The following CTSO variants were observed in gnomAD, a reference collection of about 807,000 sequenced individuals.
The protein encoded by CTSO is cathepsin O.
Under a neutral mutation model 42.4 loss-of-function variants are expected in CTSO, and 40 were observed. That is an observed-to-expected ratio of 0.94 (90% CI 0.73 to 1.23). The LOEUF (loss-of-function observed/expected upper bound fraction) is 1.23. Ranked by LOEUF, CTSO falls within the 50% of genes most tolerant of loss-of-function variation. CTSO has a pLI of 0.00. For missense variants in CTSO, 441 were observed against 396.0 expected, an observed-to-expected ratio of 1.11 and a Z score of -0.96; for synonymous variants, 156 against 146.2, an observed-to-expected ratio of 1.07 and a Z score of -0.48.
At chr4:155,931,830 A>G (rs977754428) in intron 5 of CTSO, among the ~76,000 whole-genome samples, 8 of 150,772 alleles carry the variant, frequency 5.3e-5, no homozygotes, top group Non-Finnish European at 8.9e-5. Context: ...ATCATTGATT[A>G]ATGAATTATA....
chr4:155,930,467 T>C (rs1316316741), intron 5 of CTSO, among the ~76,000 whole-genome samples: 1 of 152,216 alleles, frequency 6.6e-6, no homozygotes, highest in African/African-American at 2.4e-5. Context: ...GGACATAAAG[T>C]CTCATATTAT....
intron 4 of CTSO, among the ~76,000 whole-genome samples, chr4:155,938,438 C>T (rs1413070288): frequency 6.6e-6 from 1 of 152,036 alleles, no homozygotes; most frequent in African/African-American, 2.4e-5. Flanking sequence ...CTAATAGCAC[C>T]CTCATTGGCA....
chr4:155,938,959 AAAC>A (rs767626290), intron 4 of CTSO, among the ~76,000 whole-genome samples: 102 of 152,136 alleles, frequency 6.7e-4, no homozygotes, highest in Non-Finnish European at 1.0e-3. Context: ...TCTGTCTCAA[AAAC>A]AACAACAACA....
intron 3 of CTSO, among the ~76,000 whole-genome samples, chr4:155,941,423 T>C (rs957185530): frequency 2.6e-5 from 4 of 152,186 alleles, no homozygotes; most frequent in East Asian, 3.9e-4. Flanking sequence ...ACCACTTTCC[T>C]TCCTAGTTCA....
chr4:155,936,321 G>A (rs889122562), intron 5 of CTSO, among the ~76,000 whole-genome samples: 1 of 152,042 alleles, frequency 6.6e-6, no homozygotes, highest in East Asian at 1.9e-4. Context: ...CAGTTCTCTG[G>A]CACACTTATG....
At chr4:155,940,166 C>T (rs1259785953) in intron 3 of CTSO, among the ~76,000 whole-genome samples, 4 of 152,182 alleles carry the variant, frequency 2.6e-5, no homozygotes, top group African/African-American at 9.7e-5. Context: ...CCAGTATTGG[C>T]TGCCAATCAT....
In CTSO at chr4:155,928,373, A is replaced by T; in HGVS notation, c.894T>A (p.Asp298Glu). 1 of 1,613,454 alleles carries T rather than the reference A, an allele frequency of 6.2e-7. No individual in the cohort carries two copies. The highest frequency in any genetic ancestry group is 8.5e-7 in the Non-Finnish European group (1 of 1,179,636). ...RNSWGSSWGV[D>E]GYAHVKMGSN... ...TTCCCATTTTGACATGGGCATAACC[A>T]TCTACTCCCCAAGAACTTCCCCAGG... The change falls in exon 7 of 8, where the codon GAT (aspartate) becomes GAA (glutamate). Residue 298 changes from aspartate to glutamate, a missense_variant. Coordinates refer to ENST00000433477, the MANE Select transcript of CTSO (RefSeq NM_001334.3).
At chr4:155,931,933 G>A (rs1358763785) in intron 5 of CTSO, among the ~76,000 whole-genome samples, 1 of 151,700 alleles carries the variant, frequency 6.6e-6, no homozygotes, top group African/African-American at 2.4e-5. Flanking sequence ...CGGCGATGAA[G>A]GCAAGTCTGA....
At position 155,943,182 on chromosome 4, in the gene CTSO, GA is replaced by G. The variant is rs1743471597; in HGVS notation, c.217del (p.Ser73ProfsTer13). On this transcript the variant is annotated frameshift_variant, in exon 2 of 8. Transcript: ENST00000433477. LOFTEE classifies it high-confidence loss of function. Reference sequence around the variant, plus strand: ...TTTAAACTCTTCAGGAAACAAATAGGAAAACTGATTTATTCCATAGAAGGCG... The same window carrying G: ...TTTAAACTCTTCAGGAAACAAATAGGAAACTGATTTATTCCATAGAAGGCG... ...STAFYGINQFSYLFPEEFKAI... is the reference protein window; with the variant it reads ...STAFYGINQFXYLFPEEFKAI... 1 of 1,610,444 alleles carries G rather than the reference GA, an allele frequency of 6.2e-7. No individual in the cohort carries two copies. The highest frequency in any genetic ancestry group is 8.5e-7 in the Non-Finnish European group (1 of 1,177,460).
intron 1 of CTSO, among the ~76,000 whole-genome samples, chr4:155,946,881 G>A (rs1277348876): frequency 6.6e-6 from 1 of 152,112 alleles, no homozygotes; most frequent in Non-Finnish European, 1.5e-5. Context: ...ATTTTGAGGC[G>A]GATTCTCGCT....
At chr4:155,950,561 A>G (rs28441567) in intron 1 of CTSO, among the ~76,000 whole-genome samples, 7,033 of 152,214 alleles carry the variant, frequency 0.046, 434 homozygotes, top group African/African-American at 0.14. Context: ...TCATCTTTAT[A>G]TAAGGTAGAA....
chr4:155,946,421 A>G (rs553564175), intron 1 of CTSO, among the ~76,000 whole-genome samples: 324 of 152,272 alleles, frequency 2.1e-3, no homozygotes, highest in Non-Finnish European at 3.0e-3. Flanking sequence ...CTAATTTTCA[A>G]TGATGATTCC....
intron 1 of CTSO, among the ~76,000 whole-genome samples, chr4:155,945,743 A>G (rs1335053924): frequency 6.6e-6 from 1 of 152,266 alleles, no homozygotes; most frequent in Admixed American, 6.5e-5. Flanking sequence ...CGCTGTAGAC[A>G]CAAAATCCTT....
intron 1 of CTSO, among the ~76,000 whole-genome samples, chr4:155,947,300 ATAATTGGAAAACACTTAT>A (rs531021825): frequency 2.1e-4 from 32 of 152,236 alleles, no homozygotes; most frequent in Non-Finnish European, 3.5e-4. Context: ...AAATAAAATA[ATAATTGGAAAACACTTAT>A]TACAGAGACT....
intron 4 of CTSO, 118 bp downstream of exon 4, chr4:155,939,253 A>T: frequency 1.2e-6 from 1 of 837,836 alleles, no homozygotes; most frequent in Non-Finnish European, 1.8e-6. Flanking sequence ...TTGATCATCT[A>T]CATTTCCGAA....
At chr4:155,950,406 T>C (rs1187682138) in intron 1 of CTSO, among the ~76,000 whole-genome samples, 2 of 152,238 alleles carry the variant, frequency 1.3e-5, no homozygotes, top group African/African-American at 2.4e-5. Context: ...AAATAAAGTA[T>C]TGGATAAATG....
At chr4:155,937,879 A>G (rs1743360142) in intron 4 of CTSO, among the ~76,000 whole-genome samples, 1 of 152,096 alleles carries the variant, frequency 6.6e-6, no homozygotes, top group African/African-American at 2.4e-5. Context: ...GCTTCCCAAA[A>G]TACTGGGATT....
intron 5 of CTSO, among the ~76,000 whole-genome samples, chr4:155,934,558 T>C (rs1464141702): frequency 6.6e-6 from 1 of 152,158 alleles, no homozygotes; most frequent in Non-Finnish European, 1.5e-5. Flanking sequence ...GGAGGGAGGC[T>C]GTACCCTGCA....
chr4:155,953,674 G>T (rs1404846884), intron 1 of CTSO, 39 bp downstream of exon 1: 1 of 1,240,970 alleles, frequency 8.1e-7, no homozygotes, highest in South Asian at 3.7e-5. Flanking sequence ...AGGAAGTGAG[G>T]GAGCAGGGAC....
Sources: allele counts gnomAD v4.1 joint callset (sites outside exome capture counted in the v4.1 genomes callset), GRCh38; gene constraint gnomAD v4.1.1; transcripts MANE v1.5; gene names NCBI Gene and HGNC (gene_info 2026-07-23, HGNC 2026-07-21).